Variants in KLHDC7A observed in about 807,000 individuals in gnomAD.
KLHDC7A encodes the protein kelch domain-containing protein 7A.
For missense variants in KLHDC7A, 1,123 were observed against 1,052.6 expected, an observed-to-expected ratio of 1.07 and a Z score of -0.93; for synonymous variants, 464 against 461.0, an observed-to-expected ratio of 1.01 and a Z score of -0.08.
At position 18,481,056 on chromosome 1, in the gene KLHDC7A, C is replaced by T. The variant is rs764410721; in HGVS notation, c.75C>T (p.Ala25=). 10 of 1,613,698 alleles carry T rather than the reference C, an allele frequency of 6.2e-6. No homozygotes were observed. Among genetic ancestry groups the T allele is most frequent in the Middle Eastern group, 1.7e-4 (1 of 6,002 alleles). ...TGACCGGCAAGGTGGTGCTGTCAGC[C>T]GCTGCCCTGCTCCTGGTGACTGTGG... ...MQLTGKVVLS[A]AALLLVTVAY... The change falls in exon 1 of 1, where the codon GCC becomes GCT. Residue 25 remains alanine (A), a synonymous_variant. Coordinates refer to ENST00000400664, the MANE Select transcript of KLHDC7A (RefSeq NM_152375.3).
In KLHDC7A at chr1:18,481,883, T is replaced by C; in HGVS notation, c.902T>C (p.Ile301Thr). Residue 301 changes from isoleucine to threonine, a missense_variant, in exon 1 of 1, where the codon ATC becomes ACC. By Grantham distance (89) the Ile-to-Thr change is moderately conservative. Coordinates refer to ENST00000400664, the MANE Select transcript of KLHDC7A (RefSeq NM_152375.3). Reference protein sequence around the residue: ...DYYVESTSQAIFQGRLAPRTA... With the variant: ...DYYVESTSQATFQGRLAPRTA... ...TATGTGGAATCTACCTCTCAGGCCATCTTCCAGGGCAGGCTGGCTCCCAGG... is the reference window on the plus strand; with the variant it reads ...TATGTGGAATCTACCTCTCAGGCCACCTTCCAGGGCAGGCTGGCTCCCAGG... 1 of 1,613,684 alleles carries C rather than the reference T, an allele frequency of 6.2e-7. No homozygotes were observed. The highest frequency in any genetic ancestry group is 8.5e-7 in the Non-Finnish European group (1 of 1,179,848).
Position 18,484,811 on chromosome 1 carries a change from G to A in KLHDC7A, c.*1496G>A, listed in dbSNP as rs1009818523. 3.6e-5 allele frequency: 6 copies of A among 167,218 alleles called. No individual in the cohort carries two copies. The highest frequency in any genetic ancestry group is 2.1e-4 in the South Asian group (1 of 4,806). The allele number at this position is 167,218 out of a possible 1,614,324, so 10.4% of individuals were successfully genotyped here. A position where few individuals can be genotyped will look rare whatever the true frequency, so the allele number is the denominator to read the frequency against. ...AGAGGAGAGCTTGCACTGGACCACC[G>A]AAGACCACCATCCCTGGTCTGGGCT... On this transcript the variant is annotated 3_prime_UTR_variant, in exon 1 of 1. Coordinates refer to ENST00000400664, the MANE Select transcript of KLHDC7A (RefSeq NM_152375.3).
At position 18,482,989 on chromosome 1, in the gene KLHDC7A, G is replaced by A. The variant is rs148788482; in HGVS notation, c.2008G>A (p.Ala670Thr). ...CACCGGGGGCAGCAAGGACCGCACG[G>A]CCGAGATGGTGGCGGTCAACGGCTT... is the stretch of plus-strand genomic sequence containing the variant. The part of the protein sequence containing the change: ...GPTGGSKDRT[A>T]EMVAVNGFLY... Residue 670 changes from alanine to threonine, a missense_variant, in exon 1 of 1, where the codon GCC (alanine) becomes ACC (threonine). Ala to Thr is a moderately conservative substitution (Grantham distance 58, BLOSUM62 0). Coordinates refer to ENST00000400664, the MANE Select transcript of KLHDC7A (RefSeq NM_152375.3). The A allele has an allele frequency of 1.8e-5, 29 of 1,613,102 alleles. No individual in the cohort carries two copies. The African/African-American group carries it at 3.6e-4, about 20-fold the overall frequency.
chr1:18,481,736 A>C lies in KLHDC7A; in HGVS notation c.755A>C (p.Gln252Pro). 6.2e-7 allele frequency: 1 copy of C among 1,614,038 alleles called. No homozygotes were observed. Among genetic ancestry groups the C allele is most frequent in the Non-Finnish European group, 8.5e-7 (1 of 1,179,954 alleles). The change falls in exon 1 of 1, where the codon CAG (glutamine) becomes CCG (proline). Residue 252 changes from glutamine (Q) to proline (P), a missense_variant. Physicochemically the swap from Gln to Pro is moderately conservative, Grantham distance 76. Coordinates refer to ENST00000400664, the MANE Select transcript of KLHDC7A (RefSeq NM_152375.3). Reference protein sequence around the residue: ...ASDVDLTLHQQEGAPNSSYTF... With the variant: ...ASDVDLTLHQPEGAPNSSYTF... ...GATGTTGACCTGACCCTGCATCAGC[A>C]GGAGGGCGCCCCCAACTCCTCCTAT... is the stretch of plus-strand genomic sequence containing the variant.
chr1:18,482,851 G>A lies in KLHDC7A; in HGVS notation c.1870G>A (p.Ala624Thr). 6.2e-7 allele frequency: 1 copy of A among 1,611,568 alleles called. No individual in the cohort carries two copies. Residue 624 changes from alanine (A) to threonine (T), a missense_variant, in exon 1 of 1, where the codon GCC becomes ACC. Ala to Thr is a moderately conservative substitution (Grantham distance 58). Transcript: ENST00000400664. The part of the protein sequence containing the change: ...FAPPLPSDTF[A>T]LAHTATVRAK... The stretch of plus-strand genomic sequence containing the variant: ...CCCGCCGCTCCCCAGTGACACGTTC[G>A]CCCTGGCGCACACGGCCACGGTGCG...
rs1261399650 is a variant in KLHDC7A at position 18,483,220 on chromosome 1, C to G, written c.2239C>G (p.Pro747Ala). Residue 747 changes from proline to alanine, a missense_variant, in exon 1 of 1, where the codon CCC becomes GCC. Coordinates refer to ENST00000400664, the MANE Select transcript of KLHDC7A (RefSeq NM_152375.3). ...LADSVSPRFV[P>A]KELRSFPAPQ... Reference sequence around the variant, plus strand: ...AGACTCTGTCTCACCCAGGTTTGTGCCCAAGGAGCTGCGGAGTTTCCCGGC... The same window carrying G: ...AGACTCTGTCTCACCCAGGTTTGTGGCCAAGGAGCTGCGGAGTTTCCCGGC... The G allele has an allele frequency of 6.2e-7, 1 of 1,613,902 alleles. No individual in the cohort carries two copies. Among genetic ancestry groups the G allele is most frequent in the Non-Finnish European group, 8.5e-7 (1 of 1,180,032 alleles).
At position 18,483,009 on chromosome 1, in the gene KLHDC7A, C is replaced by A. The variant is rs563995322; in HGVS notation, c.2028C>A (p.Asn676Lys). The change falls in exon 1 of 1, where the codon AAC becomes AAA. Residue 676 changes from asparagine (N) to lysine (K), a missense_variant. By Grantham distance (94) the Asn-to-Lys change is moderately conservative. Transcript: ENST00000400664. ...GCACGGCCGAGATGGTGGCGGTCAA[C>A]GGCTTTCTCTACCGCTTTGACCTCA... ...KDRTAEMVAV[N>K]GFLYRFDLNR... 1 of 1,613,304 alleles carries A rather than the reference C, an allele frequency of 6.2e-7. No homozygotes were observed. The highest frequency in any genetic ancestry group is 1.1e-5 in the South Asian group (1 of 91,084).
At position 18,482,145 on chromosome 1, in the gene KLHDC7A, C is replaced by T; in HGVS notation, c.1164C>T (p.Pro388=). The change falls in exon 1 of 1, where the codon CCC becomes CCT. Residue 388 remains proline (P), a synonymous_variant. Transcript: ENST00000400664. ...ATGGCTTCCGGCTCCCCGCTCCACC[C>T]TGCCCAGACCCGGGCGCCCTGCCTG... ...QPDGFRLPAP[P]CPDPGALPGL... is the part of the protein sequence containing the mutation. The T allele has an allele frequency of 3.1e-6, 5 of 1,611,894 alleles. No homozygotes were observed. The highest frequency in any genetic ancestry group is 3.4e-6 in the Non-Finnish European group (4 of 1,179,784).
Position 18,482,866 on chromosome 1 carries a change from G to A in KLHDC7A, c.1885G>A (p.Ala629Thr), listed in dbSNP as rs561721203. The A allele has an allele frequency of 1.9e-6, 3 of 1,611,674 alleles. No individual in the cohort carries two copies. The highest frequency in any genetic ancestry group is 2.2e-5 in the East Asian group (1 of 44,854). ...PSDTFALAHT[A>T]TVRAKEIFVT... The stretch of plus-strand genomic sequence containing the variant: ...TGACACGTTCGCCCTGGCGCACACG[G>A]CCACGGTGCGTGCCAAGGAAATCTT... The change falls in exon 1 of 1, where the codon GCC becomes ACC. Residue 629 changes from alanine to threonine, a missense_variant. Coordinates refer to ENST00000400664, the MANE Select transcript of KLHDC7A (RefSeq NM_152375.3).
In KLHDC7A at chr1:18,481,294, G is replaced by A. The variant is rs780058369; in HGVS notation, c.313G>A (p.Val105Ile). 3.2e-5 allele frequency: 51 copies of A among 1,587,660 alleles called. No homozygotes were observed. The East Asian group carries it at 1.1e-3, about 34-fold the overall frequency. ...CSCENPRGPYVLVTGATSTDR... is the reference protein window; with the variant it reads ...CSCENPRGPYILVTGATSTDR... ...CTGTGAGAATCCAAGAGGCCCCTAT[G>A]TCCTGGTCACGGGGGCCACTTCCAC... The change falls in exon 1 of 1, where the codon GTC becomes ATC. Residue 105 changes from valine to isoleucine, a missense_variant. Val to Ile is a conservative substitution (Grantham distance 29). Transcript: ENST00000400664.
Position 18,482,970 on chromosome 1 carries a change from G to A in KLHDC7A, c.1989G>A (p.Gly663=). 6.2e-7 allele frequency: 1 copy of A among 1,612,720 alleles called. No individual in the cohort carries two copies. The highest frequency in any genetic ancestry group is 1.6e-4 in the Middle Eastern group (1 of 6,062). ...AGCGCTGGTGGGCCGGCCCCACCGGGGGCAGCAAGGACCGCACGGCCGAGA... is the reference window on the plus strand; with the variant it reads ...AGCGCTGGTGGGCCGGCCCCACCGGAGGCAGCAAGGACCGCACGGCCGAGA... The part of the protein sequence containing the change: ...QEQRWWAGPT[G]GSKDRTAEMV... The change falls in exon 1 of 1, where the codon GGG becomes GGA. Residue 663 remains glycine (G), a synonymous_variant. Coordinates refer to ENST00000400664, the MANE Select transcript of KLHDC7A (RefSeq NM_152375.3).
rs1283774780 is a variant in KLHDC7A at position 18,482,030 on chromosome 1, A to G, written c.1049A>G (p.Gln350Arg). The G allele has an allele frequency of 6.2e-7, 1 of 1,612,734 alleles. No individual in the cohort carries two copies. The highest frequency in any genetic ancestry group is 1.1e-5 in the South Asian group (1 of 91,060). The change falls in exon 1 of 1, where the codon CAG becomes CGG. Residue 350 changes from glutamine (Q) to arginine (R), a missense_variant. Coordinates refer to ENST00000400664, the MANE Select transcript of KLHDC7A (RefSeq NM_152375.3). ...KGAAERAASP[Q>R]TGPWPSTRGF... ...GCAGCCGAAAGAGCCGCCTCCCCGC[A>G]GACAGGGCCGTGGCCCTCCACCCGA...
Position 18,481,377 on chromosome 1 carries a change from C to T in KLHDC7A, c.396C>T (p.Asp132=). Residue 132 remains aspartate, a synonymous_variant, in exon 1 of 1, where the codon GAC becomes GAT. Coordinates refer to ENST00000400664, the MANE Select transcript of KLHDC7A (RefSeq NM_152375.3). ...AGGAGCGGGGCGGGCAGGGCTCGGA[C>T]TCTGAGCAGGTGCCTCCTTGCTGCC... ...SGEERGGQGS[D]SEQVPPCCPS... is the part of the protein sequence containing the mutation. 6.2e-7 allele frequency: 1 copy of T among 1,611,556 alleles called. No homozygotes were observed. Among genetic ancestry groups the T allele is most frequent in the East Asian group, 2.2e-5 (1 of 44,872 alleles).
In KLHDC7A at chr1:18,482,645, C is replaced by T. The variant is rs2086904316; in HGVS notation, c.1664C>T (p.Pro555Leu). Residue 555 changes from proline to leucine, a missense_variant, in exon 1 of 1, where the codon CCC becomes CTC. By Grantham distance (98) the Pro-to-Leu change is moderately conservative. Coordinates refer to ENST00000400664, the MANE Select transcript of KLHDC7A (RefSeq NM_152375.3). ...VSGCQGPGHQ[P>L]SSRVFCYNPL... The stretch of plus-strand genomic sequence containing the variant: ...GGCTGCCAGGGGCCCGGGCACCAGC[C>T]CTCCAGCCGCGTCTTCTGCTACAAC... 8 of 1,608,186 alleles carry T rather than the reference C, an allele frequency of 5.0e-6. No individual in the cohort carries two copies. The highest frequency in any genetic ancestry group is 6.8e-6 in the Non-Finnish European group (8 of 1,179,026).
At position 18,485,357 on chromosome 1, in the gene KLHDC7A, G is replaced by C. The variant is rs897677017; in HGVS notation, c.*2042G>C. The C allele has an allele frequency of 2.4e-5, 4 of 166,462 alleles. No homozygotes were observed. Among genetic ancestry groups the C allele is most frequent in the Non-Finnish European group, 5.9e-5 (4 of 68,102 alleles). The allele number at this position is 166,462 out of a possible 1,614,324, so 10.3% of individuals were successfully genotyped here. On this transcript the variant is annotated 3_prime_UTR_variant, in exon 1 of 1. Coordinates refer to ENST00000400664, the MANE Select transcript of KLHDC7A (RefSeq NM_152375.3). ...CATTGCATACCTGTGGTAGAGACTA[G>C]GGGAGTGATTCCAGGGATAAGACGG...
Position 18,481,228 on chromosome 1 carries a change from C to A in KLHDC7A, c.247C>A (p.Arg83=). The A allele has an allele frequency of 6.3e-7, 1 of 1,586,508 alleles. No homozygotes were observed. Among genetic ancestry groups the A allele is most frequent in the Non-Finnish European group, 8.6e-7 (1 of 1,166,008 alleles). Residue 83 remains arginine, a synonymous_variant, in exon 1 of 1, where the codon CGG becomes AGG. Transcript: ENST00000400664. ...GGTGCTCCTGAGGGGGCCAAGACGTCGGAGGAGCAGCAAGCGGGCTGAAGC... is the reference window on the plus strand; with the variant it reads ...GGTGCTCCTGAGGGGGCCAAGACGTAGGAGGAGCAGCAAGCGGGCTGAAGC... ...PGVLLRGPRR[R]RSSKRAEAPQ... is the part of the protein sequence containing the mutation.
Position 18,481,466 on chromosome 1 carries a change from G to A in KLHDC7A, c.485G>A (p.Gly162Asp). The A allele has an allele frequency of 6.2e-7, 1 of 1,613,682 alleles. No individual in the cohort carries two copies. Reference sequence around the variant, plus strand: ...GACCCTCCCCATTTCCCCCGCTTGGGCAGCGAACCGAAGAGCTCCCCAGCT... The same window carrying A: ...GACCCTCCCCATTTCCCCCGCTTGGACAGCGAACCGAAGAGCTCCCCAGCT... Reference protein sequence around the residue: ...NPDPPHFPRLGSEPKSSPAGL... With the variant: ...NPDPPHFPRLDSEPKSSPAGL... The change falls in exon 1 of 1, where the codon GGC becomes GAC. Residue 162 changes from glycine to aspartate, a missense_variant. Gly to Asp is a moderately conservative substitution (Grantham distance 94, BLOSUM62 -1). Transcript: ENST00000400664.
In KLHDC7A at chr1:18,481,323, C is replaced by G. The variant is rs981182419; in HGVS notation, c.342C>G (p.Asp114Glu). The G allele has an allele frequency of 5.0e-6, 8 of 1,588,926 alleles. No homozygotes were observed. In the Admixed American group the frequency reaches 1.2e-4, roughly 24 times the overall value. Residue 114 changes from aspartate to glutamate, a missense_variant, in exon 1 of 1, where the codon GAC (aspartate) becomes GAG (glutamate). Transcript: ENST00000400664. ...YVLVTGATST[D>E]RKPQRKGSGE... The stretch of plus-strand genomic sequence containing the variant: ...TGGTCACGGGGGCCACTTCCACAGA[C>G]AGGAAGCCCCAGAGAAAAGGCTCAG...
chr1:18,484,354 G>A lies in KLHDC7A; in HGVS notation c.*1039G>A, dbSNP rs533811400. 6.9e-6 allele frequency: 2 copies of A among 288,252 alleles called. No individual in the cohort carries two copies. The highest frequency in any genetic ancestry group is 4.6e-5 in the Admixed American group (1 of 21,666). 17.9% of individuals were successfully genotyped at this position (288,252 alleles called of 1,614,324 possible). A position where few individuals can be genotyped will look rare whatever the true frequency, so the allele number is the denominator to read the frequency against. The stretch of plus-strand genomic sequence containing the variant: ...TTTCACATCTGGTTTGATAAACTCC[G>A]AATGAAGGAGACCCCCAGCCTCAGG... On this transcript the variant is annotated 3_prime_UTR_variant, in exon 1 of 1. Transcript: ENST00000400664.
Sources: gnomAD v4.1 joint callset for allele counts on GRCh38, gnomAD v4.1.1 for gene constraint, MANE v1.5 for transcripts, NCBI Gene and HGNC (gene_info 2026-07-23, HGNC 2026-07-21) for gene names.